The following SGCZ variants were observed in gnomAD, a reference collection of about 807,000 sequenced individuals.
SGCZ encodes the protein sarcoglycan zeta.
Under a neutral mutation model 41.3 loss-of-function variants are expected in SGCZ, and 40 were observed. The observed-to-expected ratio is 0.97, with a 90% confidence interval of 0.75 to 1.26. The LOEUF is 1.26. SGCZ is among the 50% of genes most tolerant of loss of function. SGCZ has a pLI of 0.00. For missense variants in SGCZ, 552 were observed against 369.8 expected (o/e 1.49, Z -4.04); for synonymous variants, 206 against 137.5 (o/e 1.50, Z -3.49).
chr8:14,519,688 G>A (rs1802733007), intron 2 of SGCZ, among the ~76,000 whole-genome samples: 1 of 152,048 alleles, frequency 6.6e-6, no homozygotes, highest in East Asian at 1.9e-4. Flanking sequence ...AGTCTCGGCT[G>A]TTCATTTATC....
At chr8:14,163,126 G>T (rs1288924238) in intron 5 of SGCZ, among the ~76,000 whole-genome samples, 3 of 152,080 alleles carry the variant, frequency 2.0e-5, no homozygotes, top group Non-Finnish European at 4.4e-5. Flanking sequence ...GTCTCCCAAA[G>T]TGCTGGGATT....
intron 1 of SGCZ, among the ~76,000 whole-genome samples, chr8:14,695,496 A>G (rs1303290338): frequency 2.0e-5 from 3 of 152,140 alleles, no homozygotes; most frequent in Non-Finnish European, 4.4e-5. Flanking sequence ...ATGGAGTAGG[A>G]TGCAACTGGG....
chr8:14,884,914 C>T (rs1020295087), intron 1 of SGCZ, among the ~76,000 whole-genome samples: 6 of 152,024 alleles, frequency 3.9e-5, no homozygotes, highest in East Asian at 1.9e-4. Flanking sequence ...CAGACAGGCG[C>T]GTGTGTGTCC....
intron 1 of SGCZ, among the ~76,000 whole-genome samples, chr8:14,870,438 A>G (rs1035944658): frequency 2.0e-5 from 3 of 152,210 alleles, no homozygotes; most frequent in Non-Finnish European, 4.4e-5. Context: ...AATTAACTCA[A>G]GTAAGATTAA....
intron 1 of SGCZ, among the ~76,000 whole-genome samples, chr8:15,182,004 TGCACTCATCACTGA>T (rs1800194264): frequency 6.6e-6 from 1 of 152,158 alleles, no homozygotes. Flanking sequence ...CATAGAATGG[TGCACTCATCACTGA>T]GTATCCATTC....
chr8:14,790,030 A>G (rs1353819299), intron 1 of SGCZ, among the ~76,000 whole-genome samples: 1 of 152,218 alleles, frequency 6.6e-6, no homozygotes, highest in Non-Finnish European at 1.5e-5. Flanking sequence ...TAAATTGAAT[A>G]CTTAAATCTT....
intron 1 of SGCZ, among the ~76,000 whole-genome samples, chr8:15,213,112 G>A (rs1801289373): frequency 6.6e-6 from 1 of 151,952 alleles, no homozygotes; most frequent in Admixed American, 6.6e-5. Flanking sequence ...AACAGATTCT[G>A]TCAGACAAGC....
chr8:14,590,665 C>G (rs1360018417), intron 1 of SGCZ, among the ~76,000 whole-genome samples: 4 of 149,260 alleles, frequency 2.7e-5, no homozygotes, highest in Non-Finnish European at 4.5e-5. Flanking sequence ...GTTGTATATT[C>G]TCTTTGTAGA....
At chr8:14,291,147 C>T (rs1036515843) in intron 3 of SGCZ, among the ~76,000 whole-genome samples, 4 of 151,818 alleles carry the variant, frequency 2.6e-5, no homozygotes, top group Admixed American at 6.6e-5. Flanking sequence ...AGTAAAATAG[C>T]GGTTACCAGA....
chr8:14,691,980 TTAG>T (rs1239446887), intron 1 of SGCZ, among the ~76,000 whole-genome samples: 1 of 151,970 alleles, frequency 6.6e-6, no homozygotes, highest in Non-Finnish European at 1.5e-5. Flanking sequence ...ACGTGAAATA[TTAG>T]TAGGATAGTT....
At chr8:14,519,422 C>T (rs768567749) in intron 2 of SGCZ, among the ~76,000 whole-genome samples, 1 of 152,058 alleles carries the variant, frequency 6.6e-6, no homozygotes, top group African/African-American at 2.4e-5. Flanking sequence ...GTATTACTGA[C>T]ATATTTCTAA....
chr8:14,115,452 T>G (rs773090584), intron 5 of SGCZ, among the ~76,000 whole-genome samples: 29 of 152,134 alleles, frequency 1.9e-4, no homozygotes, highest in Non-Finnish European at 3.4e-4. Context: ...TTTAAAAATT[T>G]TATTAATGAT....
chr8:14,111,955 G>T (rs748302361), intron 5 of SGCZ, among the ~76,000 whole-genome samples: 3 of 152,074 alleles, frequency 2.0e-5, no homozygotes, highest in Non-Finnish European at 4.4e-5. Flanking sequence ...CTTCTGATGT[G>T]GCTATCTATA....
intron 1 of SGCZ, among the ~76,000 whole-genome samples, chr8:14,578,901 A>G (rs1045067781): frequency 7.9e-5 from 12 of 152,266 alleles, no homozygotes; most frequent in African/African-American, 2.9e-4. Context: ...TTGAAAATCT[A>G]TGTTTTTGTA....
chr8:15,071,341 G>C (rs1261819100), intron 1 of SGCZ, among the ~76,000 whole-genome samples: 1 of 152,148 alleles, frequency 6.6e-6, no homozygotes, highest in Non-Finnish European at 1.5e-5. Context: ...TAATTAGCTA[G>C]ATTTCTTTGA....
chr8:14,929,440 G>T (rs1331431166), intron 1 of SGCZ, among the ~76,000 whole-genome samples: 2 of 150,596 alleles, frequency 1.3e-5, no homozygotes, highest in Non-Finnish European at 2.9e-5. Context: ...CAGATATGTT[G>T]TTAGGAAAGT....
chr8:14,248,394 T>C lies in SGCZ; in HGVS notation c.337-10715A>G, dbSNP rs1231912367. Among the ~76,000 whole-genome samples the C allele has an allele frequency of 2.0e-5, 3 of 152,146 alleles. No homozygotes were observed. In the East Asian group the frequency reaches 5.8e-4, roughly 29 times the overall value. On this transcript the variant is annotated intron_variant, in intron 3 of 7. Coordinates refer to ENST00000382080, the MANE Select transcript of SGCZ (RefSeq NM_139167.4). Reference sequence around the variant, plus strand: ...GATGATAATGTGCGTGTGTAGAGAGTATCCCAGATGCGTATTTGTATATGA... The same window carrying C: ...GATGATAATGTGCGTGTGTAGAGAGCATCCCAGATGCGTATTTGTATATGA...
chr8:14,749,356 C>A (rs780619873), intron 1 of SGCZ, among the ~76,000 whole-genome samples: 100 of 152,098 alleles, frequency 6.6e-4, no homozygotes, highest in Non-Finnish European at 1.3e-3. Flanking sequence ...GAATACCAAA[C>A]AGAAATAGTC....
chr8:15,017,792 C>T (rs1467060169), intron 1 of SGCZ, among the ~76,000 whole-genome samples: 1 of 152,172 alleles, frequency 6.6e-6, no homozygotes, highest in Non-Finnish European at 1.5e-5. Flanking sequence ...AGGTGTGAGC[C>T]GTGGTGCCTG....
Sources: gnomAD v4.1 joint callset for allele counts (sites outside exome capture counted in the v4.1 genomes callset) on GRCh38, gnomAD v4.1.1 for gene constraint, MANE v1.5 for transcripts, NCBI Gene and HGNC (gene_info 2026-07-23, HGNC 2026-07-21) for gene names.